Variants in GADL1 observed in about 807,000 individuals in gnomAD.
GADL1 encodes the protein GAD like acidic amino acid decarboxylase 1, also known as acidic amino acid decarboxylase GADL1.
In GADL1, 71 loss-of-function variants were observed where a neutral mutation model predicts 69.5. The observed-to-expected ratio is 1.02, with a 90% CI of 0.84 to 1.25. GADL1 has a LOEUF of 1.25. Among genes scored for constraint, GADL1 ranks in the 50% most tolerant of loss-of-function variants. The probability of loss-of-function intolerance (pLI) is 0.00; values close to 1 mark genes in which losing one functional copy is unlikely to be tolerated. For missense variants in GADL1, 737 were observed against 631.8 expected (o/e 1.17, Z -1.79); for synonymous variants, 254 against 214.4 (o/e 1.18, Z -1.62).
At chr3:30,849,636 T>C (rs968972596) in intron 6 of GADL1, among the ~76,000 whole-genome samples, 2 of 152,080 alleles carry the variant, frequency 1.3e-5, no homozygotes, top group Non-Finnish European at 2.9e-5. Flanking sequence ...ATCAAAGCAA[T>C]CATTTTAAAA....
chr3:30,838,888 A>C (rs1697917443), intron 9 of GADL1, 109 bp downstream of exon 9: 2 of 624,280 alleles, frequency 3.2e-6, no homozygotes, highest in African/African-American at 3.9e-5. Context: ...TGAGACACAA[A>C]CAAAAGCGTT....
chr3:30,830,451 A>G (rs949415225), intron 11 of GADL1, among the ~76,000 whole-genome samples: 5 of 151,910 alleles, frequency 3.3e-5, no homozygotes, highest in African/African-American at 9.7e-5. Context: ...TGGGGTAAGG[A>G]AAAGAGATGA....
intron 14 of GADL1, among the ~76,000 whole-genome samples, chr3:30,759,131 AG>A (rs1306490816): frequency 6.6e-6 from 1 of 152,194 alleles, no homozygotes; most frequent in Non-Finnish European, 1.5e-5. Context: ...GCATCTCGTA[AG>A]GCAAATCCAC....
intron 8 of GADL1, 104 bp from the exon 9 acceptor site, chr3:30,839,217 G>A (rs189655647): frequency 4.4e-5 from 30 of 676,150 alleles, no homozygotes; most frequent in Middle Eastern, 2.6e-4. Context: ...AGTTATTTGG[G>A]TTTTTTGGAG....
chr3:30,770,223 G>T (rs1696386962), intron 14 of GADL1, among the ~76,000 whole-genome samples: 1 of 152,150 alleles, frequency 6.6e-6, no homozygotes, highest in African/African-American at 2.4e-5. Flanking sequence ...ACTTGGGTTT[G>T]CAACTCGACT....
chr3:30,822,648 T>G (rs946734009), intron 11 of GADL1, among the ~76,000 whole-genome samples: 1 of 151,310 alleles, frequency 6.6e-6, no homozygotes, highest in Non-Finnish European at 1.5e-5. Context: ...ATTTTCGCAT[T>G]CTTAATTATG....
intron 8 of GADL1, among the ~76,000 whole-genome samples, chr3:30,840,742 A>G (rs1288362614): frequency 8.5e-5 from 13 of 152,208 alleles, no homozygotes; most frequent in Admixed American, 8.5e-4. Context: ...CTCATTAAAA[A>G]TACAGGACCA....
At chr3:30,745,134 A>G (rs1472472061) in intron 14 of GADL1, among the ~76,000 whole-genome samples, 2 of 152,218 alleles carry the variant, frequency 1.3e-5, no homozygotes. Flanking sequence ...TGCATGAGTG[A>G]GCAAGTGCTT....
Position 30,844,395 on chromosome 3 carries a change from T to C in GADL1, c.723A>G (p.Thr241=), listed in dbSNP as rs1202136164. 2 of 1,612,454 alleles carry C rather than the reference T, an allele frequency of 1.2e-6. No homozygotes were observed. The highest frequency in any genetic ancestry group is 1.7e-6 in the Non-Finnish European group (2 of 1,178,562). ...GATCCTGTTCCCATTACCTTCCATC[T>C]GTTTCCACAAAGCAAACATTCTCAG... The part of the protein sequence containing the change: ...IGTENVCFVE[T]DGRGKMIPEE... Residue 241 remains threonine, a synonymous_variant, in exon 7 of 15, where the codon ACA becomes ACG. Coordinates refer to ENST00000282538, the MANE Select transcript of GADL1 (RefSeq NM_207359.3).
At chr3:30,849,432 G>A (rs1698110713) in intron 6 of GADL1, among the ~76,000 whole-genome samples, 1 of 152,100 alleles carries the variant, frequency 6.6e-6, no homozygotes, top group Non-Finnish European at 1.5e-5. Context: ...CAGAGGCAGG[G>A]ACTGAATCCA....
At chr3:30,758,932 C>G (rs1048953347) in intron 14 of GADL1, among the ~76,000 whole-genome samples, 1 of 152,158 alleles carries the variant, frequency 6.6e-6, no homozygotes, top group Non-Finnish European at 1.5e-5. Flanking sequence ...AAAGTCCCTT[C>G]CTATATTGCA....
chr3:30,745,070 C>G (rs887642032), intron 14 of GADL1, among the ~76,000 whole-genome samples: 8 of 152,148 alleles, frequency 5.3e-5, no homozygotes, highest in Non-Finnish European at 1.2e-4. Flanking sequence ...AAAATAGAGA[C>G]AGTAGAAGTT....
At chr3:30,853,691 T>C (rs1698184375) in intron 4 of GADL1, among the ~76,000 whole-genome samples, 1 of 152,162 alleles carries the variant, frequency 6.6e-6, no homozygotes, top group South Asian at 2.1e-4. Context: ...ACCCAGGCAT[T>C]GTCCCAGGAG....
chr3:30,839,817 A>G (rs1697938293), intron 8 of GADL1, among the ~76,000 whole-genome samples: 1 of 152,094 alleles, frequency 6.6e-6, no homozygotes, highest in Non-Finnish European at 1.5e-5. Flanking sequence ...GGTGGGAAAT[A>G]GAGAAGAAAA....
intron 14 of GADL1, among the ~76,000 whole-genome samples, chr3:30,734,978 G>T (rs1226912828): frequency 6.6e-6 from 1 of 152,160 alleles, no homozygotes; most frequent in Non-Finnish European, 1.5e-5. Context: ...AGCCTTCTTA[G>T]TTTGTGTTCA....
chr3:30,763,623 A>AG, intron 14 of GADL1, among the ~76,000 whole-genome samples: 4 of 152,146 alleles, frequency 2.6e-5, no homozygotes, highest in African/African-American at 9.7e-5. Context: ...GATTTTGCCC[A>AG]ACTATAGTCT....
At chr3:30,763,264 C>T (rs1224101313) in intron 14 of GADL1, among the ~76,000 whole-genome samples, 3 of 151,980 alleles carry the variant, frequency 2.0e-5, no homozygotes, top group Non-Finnish European at 2.9e-5. Context: ...TTTGGGAGTC[C>T]GAGGCTGGTG....
Position 30,800,916 on chromosome 3 carries a change from C to A in GADL1, c.1223G>T (p.Arg408Ile). ...AGATAAAGCAAGAGCACGATTAACT[C>A]TTTCTTCAAGGCCTAATGTACCCAG... ...KALGTLGLEE[R>I]VNRALALSRY... The change falls in exon 12 of 15, where the codon AGA becomes ATA. Residue 408 changes from arginine (R) to isoleucine (I), a missense_variant. Arg to Ile is a moderately conservative substitution (Grantham distance 97). Coordinates refer to ENST00000282538, the MANE Select transcript of GADL1 (RefSeq NM_207359.3). The A allele has an allele frequency of 1.9e-6, 3 of 1,612,530 alleles. No homozygotes were observed. Among genetic ancestry groups the A allele is most frequent in the Non-Finnish European group, 2.5e-6 (3 of 1,179,816 alleles).
chr3:30,752,154 C>T (rs1225925906), intron 14 of GADL1, among the ~76,000 whole-genome samples: 1 of 151,476 alleles, frequency 6.6e-6, no homozygotes, highest in Non-Finnish European at 1.5e-5. Flanking sequence ...GAAGCTTGAG[C>T]AGAAGATGCG....
Sources: allele counts gnomAD v4.1 joint callset (sites outside exome capture counted in the v4.1 genomes callset), GRCh38; gene constraint gnomAD v4.1.1; transcripts MANE v1.5; gene names NCBI Gene and HGNC (gene_info 2026-07-23, HGNC 2026-07-21).